PRRC2B: variants seen among roughly 807,000 people sequenced by gnomAD.
The protein encoded by PRRC2B is proline rich coiled-coil 2B.
A neutral mutation model predicts 242.3 loss-of-function variants in PRRC2B; 68 were observed. The ratio of observed to expected loss-of-function variants is 0.28; its 90% CI spans 0.23 to 0.34. The LOEUF (loss-of-function observed/expected upper bound fraction) is 0.34, where lower values mean the gene tolerates loss of function less well. PRRC2B is among the 10% of genes least tolerant of loss of function. PRRC2B has a pLI of 1.00. For synonymous variants in PRRC2B, 1,228 were observed against 1,173.6 expected, an observed-to-expected ratio of 1.05 and a Z score of -0.95; for missense variants, 2,835 against 2,954.8, an observed-to-expected ratio of 0.96 and a Z score of 0.94.
At chr9:131,489,254 G>A (rs1382485948) in intron 28 of PRRC2B, among the ~76,000 whole-genome samples, 5 of 148,066 alleles carry the variant, frequency 3.4e-5, no homozygotes, top group African/African-American at 1.0e-4. Context: ...GCGCAATCTC[G>A]GCTCACTGCA....
intron 5 of PRRC2B, among the ~76,000 whole-genome samples, chr9:131,440,595 G>A (rs578248739): frequency 2.0e-5 from 3 of 152,062 alleles, no homozygotes; most frequent in Admixed American, 6.5e-5. Context: ...AATTATACTC[G>A]CCCGTGTGTG....
At chr9:131,424,670 T>C (rs1461958993) in intron 1 of PRRC2B, among the ~76,000 whole-genome samples, 2 of 152,072 alleles carry the variant, frequency 1.3e-5, no homozygotes, top group Non-Finnish European at 1.5e-5. Context: ...CGGGCGACAG[T>C]GTGAGCCTCT....
chr9:131,406,449 A>G (rs76321684), intron 1 of PRRC2B, among the ~76,000 whole-genome samples: 419 of 152,270 alleles, frequency 2.8e-3, no homozygotes, highest in Middle Eastern at 6.8e-3. Context: ...AGGCATGTTA[A>G]GGCAGTTTGT....
At chr9:131,453,274 C>T (rs1448627130) in intron 9 of PRRC2B, among the ~76,000 whole-genome samples, 1 of 152,134 alleles carries the variant, frequency 6.6e-6, no homozygotes, top group Non-Finnish European at 1.5e-5. Flanking sequence ...CTTTAAGCTC[C>T]TTTATGTTTG....
chr9:131,455,338 G>T (rs1196783508), intron 10 of PRRC2B, among the ~76,000 whole-genome samples, 172 bp downstream of exon 10: 2 of 152,054 alleles, frequency 1.3e-5, no homozygotes, highest in African/African-American at 4.8e-5. Flanking sequence ...GGGAGCCAGG[G>T]TTTGCCTGCA....
chr9:131,422,734 G>A (rs2131312613), intron 1 of PRRC2B, among the ~76,000 whole-genome samples: 1 of 152,300 alleles, frequency 6.6e-6, no homozygotes, highest in South Asian at 2.1e-4. Flanking sequence ...GGCGGGGCTT[G>A]GATGTGAAGT....
intron 28 of PRRC2B, 59 bp from the exon 29 acceptor site, chr9:131,491,366 G>T: frequency 6.7e-7 from 1 of 1,490,236 alleles, no homozygotes; most frequent in Admixed American, 2.3e-5. Context: ...GCTCTTTGGT[G>T]CGTTTGGGGT....
chr9:131,374,800 T>G (rs995966882), intron 1 of PRRC2B, among the ~76,000 whole-genome samples: 3 of 152,306 alleles, frequency 2.0e-5, no homozygotes, highest in African/African-American at 2.4e-5. Flanking sequence ...GTGCTGGAAT[T>G]ACAGGCGTGA....
At chr9:131,407,945 C>A (rs573185110) in intron 1 of PRRC2B, among the ~76,000 whole-genome samples, 4 of 152,282 alleles carry the variant, frequency 2.6e-5, no homozygotes, top group African/African-American at 9.6e-5. Context: ...ATTCGGGCAG[C>A]CCGATGGAGT....
chr9:131,448,543 C>CA (rs754661321), intron 9 of PRRC2B, among the ~76,000 whole-genome samples: 1,141 of 39,872 alleles, frequency 0.029, 295 homozygotes, highest in East Asian at 0.069. Flanking sequence ...GACACTGTCT[C>CA]AAAAAAAAAA....
chr9:131,430,914 G>A (rs1838145927), intron 2 of PRRC2B, among the ~76,000 whole-genome samples: 1 of 151,128 alleles, frequency 6.6e-6, no homozygotes, highest in Non-Finnish European at 1.5e-5. Context: ...TTTTTATCCT[G>A]ATGGGTAGAA....
upstream of PRRC2B, among the ~76,000 whole-genome samples, chr9:131,390,442 C>T (rs1465163954): frequency 6.9e-6 from 1 of 145,218 alleles, no homozygotes; most frequent in Non-Finnish European, 1.5e-5. Flanking sequence ...GGATTTGAAG[C>T]CAGGTCTCTT....
rs371286973 is a variant in PRRC2B at position 131,482,508 on chromosome 9, G to A, written c.5121G>A (p.Ala1707=). Reference sequence around the variant, plus strand: ...AGGAGATGAGCGGGCCCGGCCTGGCGGAACCCAAGGCCGACAGCCACAAGG... The same window carrying A: ...AGGAGATGAGCGGGCCCGGCCTGGCAGAACCCAAGGCCGACAGCCACAAGG... ...KPEEMSGPGL[A]EPKADSHKEQ... Residue 1707 remains alanine, a synonymous_variant, in exon 21 of 32, where the codon GCG becomes GCA. Transcript: ENST00000683519. This position sits in a 1 kb window ranked among gnomAD's most constrained non-coding sequence, Gnocchi z 5.2. 57 of 1,610,838 alleles carry A rather than the reference G, an allele frequency of 3.5e-5. No individual in the cohort carries two copies. The African/African-American group carries it at 5.6e-4, about 16-fold the overall frequency.
intron 1 of PRRC2B, among the ~76,000 whole-genome samples, chr9:131,420,498 T>TCTC (rs1564278664): frequency 1.1e-5 from 1 of 90,744 alleles, no homozygotes; most frequent in Admixed American, 1.1e-4. Context: ...TCTTTCTTTT[T>TCTC]TTTTTTTTTT....
rs528281179 is a variant in PRRC2B, at chr9:131,495,030, C to CT, written c.6555+545dup. Reference sequence around the variant, plus strand: ...TCAGACGTGGGTTTTTAATCAGTCACTGTGCCTGGCTGGTAGAGATGGGAA... The same window carrying CT: ...TCAGACGTGGGTTTTTAATCAGTCACTTGTGCCTGGCTGGTAGAGATGGGAA... On this transcript the variant is annotated intron_variant, in intron 31 of 31. Coordinates refer to ENST00000683519, the MANE Select transcript of PRRC2B (RefSeq NM_013318.4). Among the ~76,000 whole-genome samples the CT allele has an allele frequency of 7.6e-4, 116 of 152,346 alleles. No homozygotes were observed. The South Asian group carries it at 0.014, about 19-fold the overall frequency.
intron 9 of PRRC2B, among the ~76,000 whole-genome samples, chr9:131,453,906 T>C (rs1259930836): frequency 6.6e-6 from 1 of 152,202 alleles, no homozygotes; most frequent in Non-Finnish European, 1.5e-5. Context: ...AATTTACCCT[T>C]TTAAAGTCTA....
intron 1 of PRRC2B, among the ~76,000 whole-genome samples, chr9:131,387,243 C>T (rs1176154045): frequency 6.7e-6 from 1 of 150,156 alleles, no homozygotes. Flanking sequence ...TCAGGTGATC[C>T]GCCCGTCTCC....
chr9:131,448,419 C>T (rs1219509593), intron 9 of PRRC2B, among the ~76,000 whole-genome samples: 1 of 151,514 alleles, frequency 6.6e-6, no homozygotes, highest in African/African-American at 2.4e-5. Context: ...TGGCGCGTGC[C>T]TGTAGTCCCA....
chr9:131,373,778 G>C (rs1314846553), intron 1 of PRRC2B: 1 of 152,284 alleles, frequency 6.6e-6, no homozygotes, highest in Non-Finnish European at 1.5e-5. Flanking sequence ...CGCTCGTCTA[G>C]GCCGGGCGTG....
Sources: gnomAD v4.1 joint callset for allele counts (sites outside exome capture counted in the v4.1 genomes callset) on GRCh38, gnomAD v4.1.1 for gene constraint, Gnocchi (gnomAD v3.1) non-coding constraint, MANE v1.5 for transcripts, NCBI Gene and HGNC (gene_info 2026-07-23, HGNC 2026-07-21) for gene names.